The following OXR1 variants were observed in gnomAD, a reference collection of about 807,000 sequenced individuals.
The protein encoded by OXR1 is oxidation resistance 1.
A neutral mutation model predicts 104.6 loss-of-function variants in OXR1; 41 were observed. The ratio of observed to expected loss-of-function variants is 0.39; its 90% CI spans 0.31 to 0.51. The LOEUF (loss-of-function observed/expected upper bound fraction) is 0.51. Ranked by LOEUF, OXR1 falls within the 20% of genes least tolerant of loss-of-function variation. OXR1 has a pLI of 0.77. For synonymous variants in OXR1, 348 were observed against 348.4 expected (o/e 1.00, Z 0.01); for missense variants, 955 against 1,031.9 (o/e 0.93, Z 1.02).
chr8:106,682,211 C>T (rs1828222197), intron 4 of OXR1, among the ~76,000 whole-genome samples: 1 of 150,726 alleles, frequency 6.6e-6, no homozygotes, highest in South Asian at 2.1e-4. Context: ...TTGTAAATTC[C>T]TTGTGCAAAA....
At chr8:106,466,666 T>C (rs924735056) in intron 2 of OXR1, among the ~76,000 whole-genome samples, 1 of 151,908 alleles carries the variant, frequency 6.6e-6, no homozygotes, top group Non-Finnish European at 1.5e-5. Flanking sequence ...GATGAAAGGC[T>C]CAAGGCCTGC....
intron 1 of OXR1, among the ~76,000 whole-genome samples, chr8:106,279,049 T>G (rs1377352468): frequency 6.6e-6 from 1 of 152,178 alleles, no homozygotes; most frequent in Non-Finnish European, 1.5e-5. Flanking sequence ...CTGTTATATC[T>G]ATTTAGGTTC....
At chr8:106,309,151 T>C (rs1278939217) in intron 1 of OXR1, among the ~76,000 whole-genome samples, 1 of 152,042 alleles carries the variant, frequency 6.6e-6, no homozygotes, top group East Asian at 1.9e-4. Flanking sequence ...CTAATTACAT[T>C]TTTTATTTTT....
intron 2 of OXR1, among the ~76,000 whole-genome samples, chr8:106,360,332 T>C (rs1189223353): frequency 6.6e-6 from 1 of 152,210 alleles, no homozygotes; most frequent in Non-Finnish European, 1.5e-5. Flanking sequence ...GACATTTATA[T>C]AAATTTACAG....
intron 2 of OXR1, among the ~76,000 whole-genome samples, chr8:106,479,840 T>C (rs893148143): frequency 1.3e-5 from 2 of 152,060 alleles, no homozygotes; most frequent in Non-Finnish European, 2.9e-5. Flanking sequence ...ATTTGGACTT[T>C]ATAATTTACT....
intron 2 of OXR1, among the ~76,000 whole-genome samples, chr8:106,444,625 G>A (rs910490769): frequency 1.3e-5 from 2 of 152,038 alleles, no homozygotes; most frequent in East Asian, 3.9e-4. Flanking sequence ...TTCATAAGTG[G>A]GAGTTAAACA....
chr8:106,296,237 A>G (rs548703931), intron 1 of OXR1, among the ~76,000 whole-genome samples: 3 of 152,200 alleles, frequency 2.0e-5, no homozygotes, highest in African/African-American at 7.2e-5. Context: ...CAATTGTTCT[A>G]TCAACTTTCG....
At position 106,464,745 on chromosome 8, in the gene OXR1, TA is replaced by T. The variant is rs1306657076; in HGVS notation, c.24-54192del. On this transcript the variant is annotated intron_variant, in intron 2 of 16. Transcript: ENST00000517566. Reference sequence around the variant, plus strand: ...TCCTGTAGCTGGAAGAAATATTTTTTAAAAAACATTCATTTATTTGATGAGT... The same window carrying T: ...TCCTGTAGCTGGAAGAAATATTTTTTAAAAACATTCATTTATTTGATGAGT... Among the ~76,000 whole-genome samples the T allele has an allele frequency of 5.3e-5, 8 of 152,150 alleles. No individual in the cohort carries two copies. In the East Asian group the frequency reaches 1.6e-3, roughly 30 times the overall value.
At chr8:106,638,965 G>T (rs1318038223) in intron 3 of OXR1, among the ~76,000 whole-genome samples, 2 of 151,832 alleles carry the variant, frequency 1.3e-5, no homozygotes, top group Non-Finnish European at 2.9e-5. Flanking sequence ...AATCTAATTG[G>T]CTTTTTTCTT....
At chr8:106,577,796 C>A (rs73699590) in intron 3 of OXR1, among the ~76,000 whole-genome samples, 2,798 of 152,198 alleles carry the variant, frequency 0.018, 88 homozygotes, top group African/African-American at 0.063. Context: ...GTAGGGGGCT[C>A]CAGAAGGAAG....
At chr8:106,587,355 G>C (rs188184589) in intron 3 of OXR1, among the ~76,000 whole-genome samples, 13 of 152,200 alleles carry the variant, frequency 8.5e-5, no homozygotes, top group Non-Finnish European at 1.8e-4. Context: ...TGCAGGGAAA[G>C]AACAAATGGC....
At chr8:106,556,406 T>C (rs1459717540) in intron 3 of OXR1, among the ~76,000 whole-genome samples, 1 of 152,126 alleles carries the variant, frequency 6.6e-6, no homozygotes, top group African/African-American at 2.4e-5. Flanking sequence ...GGAAAGCATC[T>C]CCAAGGAAAT....
chr8:106,551,664 A>G (rs933352016), intron 3 of OXR1, among the ~76,000 whole-genome samples: 1 of 151,580 alleles, frequency 6.6e-6, no homozygotes, highest in African/African-American at 2.4e-5. Flanking sequence ...AGGAGTGGGT[A>G]TGTCTGGGCA....
rs571069966 is a variant in OXR1 at position 106,447,975 on chromosome 8, G to T, written c.24-70968G>T. 2.7e-5 allele frequency: 41 copies of T among 1,534,974 alleles called. No individual in the cohort carries two copies. In the African/African-American group the frequency reaches 4.8e-4, roughly 18 times the overall value. On this transcript the variant is annotated intron_variant, in intron 2 of 16. Coordinates refer to ENST00000517566, the MANE Select transcript of OXR1 (RefSeq NM_001198533.2). ...AGGTAACAGAACTCTGATCAGATCCGCCCCGGCTCCCACACAGCTATAAGG... is the reference window on the plus strand; with the variant it reads ...AGGTAACAGAACTCTGATCAGATCCTCCCCGGCTCCCACACAGCTATAAGG...
In OXR1 at chr8:106,398,437, T is replaced by G. The variant is rs1295410073; in HGVS notation, c.23+38801T>G. On this transcript the variant is annotated intron_variant, in intron 2 of 16. Coordinates refer to ENST00000517566, the MANE Select transcript of OXR1 (RefSeq NM_001198533.2). Reference sequence around the variant, plus strand: ...TTGAGAGCTGCTGCTGCAAGCCCCATGCACTCAAGGAGAAAGAACGAGTCA... The same window carrying G: ...TTGAGAGCTGCTGCTGCAAGCCCCAGGCACTCAAGGAGAAAGAACGAGTCA... Among the ~76,000 whole-genome samples the G allele has an allele frequency of 2.6e-5, 4 of 152,158 alleles. No homozygotes were observed. The East Asian group carries it at 5.8e-4, about 22-fold the overall frequency.
chr8:106,533,267 A>G (rs150841543), intron 3 of OXR1, among the ~76,000 whole-genome samples: 84 of 152,350 alleles, frequency 5.5e-4, no homozygotes, highest in African/African-American at 1.8e-3. Flanking sequence ...TTCCTGCTCT[A>G]TAATCCAATA....
At chr8:106,512,598 A>T (rs1359740262) in intron 2 of OXR1, among the ~76,000 whole-genome samples, 1 of 152,194 alleles carries the variant, frequency 6.6e-6, no homozygotes, top group African/African-American at 2.4e-5. Context: ...TATGCGTTTC[A>T]GTCATATCAT....
At chr8:106,439,207 G>C (rs73309215) in intron 2 of OXR1, among the ~76,000 whole-genome samples, 4,410 of 152,096 alleles carry the variant, frequency 0.029, 220 homozygotes, top group African/African-American at 0.1. Flanking sequence ...ATAAGGATTA[G>C]ATTAGATCAA....
intron 1 of OXR1, among the ~76,000 whole-genome samples, chr8:106,301,872 A>G (rs904377172): frequency 6.6e-6 from 1 of 152,162 alleles, no homozygotes; most frequent in African/African-American, 2.4e-5. Context: ...TAGGTTGTTT[A>G]TATTTCAAAT....
Sources: allele counts gnomAD v4.1 joint callset (sites outside exome capture counted in the v4.1 genomes callset), GRCh38; gene constraint gnomAD v4.1.1; transcripts MANE v1.5; gene names NCBI Gene and HGNC (gene_info 2026-07-23, HGNC 2026-07-21).